The following ARHGAP6 variants were observed in gnomAD, a reference collection of about 807,000 sequenced individuals.
The protein encoded by ARHGAP6 is Rho GTPase activating protein 6, also known as rho GTPase-activating protein 6.
A neutral mutation model predicts 55.7 loss-of-function variants in ARHGAP6; 16 were observed. The ratio of observed to expected loss-of-function variants is 0.29; its 90% CI spans 0.19 to 0.44. The LOEUF is 0.44. ARHGAP6 is among the 20% of genes least tolerant of loss of function. ARHGAP6 has a pLI of 1.00. For synonymous variants in ARHGAP6, 382 were observed against 360.9 expected (o/e 1.06, Z -0.66); for missense variants, 698 against 808.9 (o/e 0.86, Z 1.66).
At chrX:11,145,026 A>C (rs779870291) in intron 10 of ARHGAP6, 1 of 112,513 alleles carries the variant, frequency 8.9e-6, no homozygotes, top group South Asian at 3.8e-4. Context: ...TGTGGAACAG[A>C]AAAATGAGAA....
chrX:11,423,657 C>T (rs765924745), intron 1 of ARHGAP6, among the ~76,000 whole-genome samples: 8 of 112,779 alleles, frequency 7.1e-5, no homozygotes, highest in Non-Finnish European at 1.5e-4. Flanking sequence ...CAACACATTT[C>T]TACTGAGCAC....
chrX:11,153,223 G>A (rs181465126), intron 10 of ARHGAP6, among the ~76,000 whole-genome samples: 19 of 111,224 alleles, frequency 1.7e-4, no homozygotes, highest in African/African-American at 6.2e-4. Context: ...TGATACCCAT[G>A]CATAGTAAAG....
intron 1 of ARHGAP6, among the ~76,000 whole-genome samples, chrX:11,430,764 T>C (rs1306784185): frequency 8.9e-6 from 1 of 112,186 alleles, no homozygotes; most frequent in Non-Finnish European, 1.9e-5. Flanking sequence ...TTTGTATAAA[T>C]GTATGGGGTA....
intron 1 of ARHGAP6, among the ~76,000 whole-genome samples, chrX:11,486,766 T>C (rs1403311093): frequency 8.9e-6 from 1 of 111,896 alleles, no homozygotes; most frequent in East Asian, 2.8e-4. Context: ...GGAATGATGA[T>C]GCTGGCCTGG....
At chrX:11,270,012 A>G (rs2047673494) in intron 1 of ARHGAP6, among the ~76,000 whole-genome samples, 1 of 112,020 alleles carries the variant, frequency 8.9e-6, no homozygotes, top group Non-Finnish European at 1.9e-5. Flanking sequence ...AGAACAACTA[A>G]AATTTACTGA....
intron 2 of ARHGAP6, among the ~76,000 whole-genome samples, chrX:11,238,934 G>T (rs2047238943): frequency 8.9e-6 from 1 of 111,768 alleles, no homozygotes; most frequent in East Asian, 2.8e-4. Context: ...TTTGTTATTT[G>T]AAAAATAAAA....
At chrX:11,277,237 T>C (rs1399736893) in intron 1 of ARHGAP6, among the ~76,000 whole-genome samples, 8 of 112,028 alleles carry the variant, frequency 7.1e-5, no homozygotes, top group South Asian at 3.7e-4. Flanking sequence ...CAGGATAATA[T>C]TCACTGTATA....
At chrX:11,455,929 G>T (rs2050190134) in intron 1 of ARHGAP6, among the ~76,000 whole-genome samples, 1 of 112,223 alleles carries the variant, frequency 8.9e-6, no homozygotes, top group Admixed American at 9.5e-5. Flanking sequence ...CTAACCTGTT[G>T]TTATAATCTG....
intron 1 of ARHGAP6, among the ~76,000 whole-genome samples, chrX:11,351,018 C>G (rs1194556591): frequency 1.9e-5 from 2 of 107,550 alleles, no homozygotes; most frequent in East Asian, 5.8e-4. Flanking sequence ...GGGTAACAAA[C>G]ACCCCCATCC....
intron 1 of ARHGAP6, among the ~76,000 whole-genome samples, chrX:11,274,004 C>CA (rs1237846048): frequency 2.7e-4 from 30 of 111,106 alleles, no homozygotes; most frequent in African/African-American, 9.5e-4. Context: ...TAACTTGTCC[C>CA]AGGACACATA....
chrX:11,647,648 C>G (rs186481097), intron 1 of ARHGAP6, among the ~76,000 whole-genome samples: 1 of 112,157 alleles, frequency 8.9e-6, no homozygotes, highest in African/African-American at 3.2e-5. Context: ...CTTATCAACA[C>G]GCATATGGCC....
Position 11,304,777 on chromosome X carries a change from CTTTTTTTTTTTTT to C in ARHGAP6, c.589-50083_589-50071del, listed in dbSNP as rs953912280. Among the ~76,000 whole-genome samples, 251 of 50,292 alleles carry C rather than the reference CTTTTTTTTTTTTT, an allele frequency of 5.0e-3. 2 individuals carry two copies. The highest frequency in any genetic ancestry group is 0.02 in the African/African-American group (237 of 11,581). The allele number at this position is 50,292 out of a possible 115,157, so 43.7% of individuals were successfully genotyped here. ...AAGGATTTCATTTTTCTTTCTTTTA[CTTTTTTTTTTTTT>C]TTTTTTTTTTTTTTTGAGATGGAGT... On this transcript the variant is annotated intron_variant, in intron 1 of 12. Coordinates refer to ENST00000337414, the MANE Select transcript of ARHGAP6 (RefSeq NM_013427.3).
chrX:11,207,079 A>G (rs2046714517), intron 2 of ARHGAP6, among the ~76,000 whole-genome samples: 1 of 111,710 alleles, frequency 9.0e-6, no homozygotes, highest in Non-Finnish European at 1.9e-5. Flanking sequence ...TTCTGCCTCA[A>G]ATGTCTTCCT....
In ARHGAP6 at chrX:11,566,565, TGG is replaced by T. The variant is rs2051443684; in HGVS notation, c.588+97674_588+97675del. ...GAACAGAAACTCACTTAAACTCTTCTGGAACTTGGTTTTCTCTATCATTAAAC... is the reference window on the plus strand; with the variant it reads ...GAACAGAAACTCACTTAAACTCTTCTAACTTGGTTTTCTCTATCATTAAAC... On this transcript the variant is annotated intron_variant, in intron 1 of 12. Transcript: ENST00000337414. Among the ~76,000 whole-genome samples the T allele has an allele frequency of 5.3e-5, 6 of 112,608 alleles. No individual in the cohort carries two copies. The South Asian group carries it at 1.8e-3, about 35-fold the overall frequency.
At chrX:11,340,908 C>T (rs1307528158) in intron 1 of ARHGAP6, among the ~76,000 whole-genome samples, 1 of 110,748 alleles carries the variant, frequency 9.0e-6, no homozygotes, top group Non-Finnish European at 1.9e-5. Flanking sequence ...AAATGGAGCT[C>T]AGCATAGATT....
At chrX:11,322,043 A>G (rs962741761) in intron 1 of ARHGAP6, among the ~76,000 whole-genome samples, 11 of 112,269 alleles carry the variant, frequency 9.8e-5, no homozygotes, top group African/African-American at 3.6e-4. Context: ...ATACCCACAG[A>G]TACAGTGATG....
At position 11,470,242 on chromosome X, in the gene ARHGAP6, C is replaced by T. The variant is rs750384963; in HGVS notation, c.588+193999G>A. On this transcript the variant is annotated intron_variant, in intron 1 of 12. Coordinates refer to ENST00000337414, the MANE Select transcript of ARHGAP6 (RefSeq NM_013427.3). ...AAAATGTCAGTTTACCAAGACCTCT[C>T]GTATTTCATTTCCTCACAGGTCCTT... Among the ~76,000 whole-genome samples, 3 of 112,058 alleles carry T rather than the reference C, an allele frequency of 2.7e-5. No homozygotes were observed. The South Asian group carries it at 1.1e-3, about 42-fold the overall frequency.
rs2045628572 is a variant in ARHGAP6, at chrX:11,142,128, T to C, written c.2257+105A>G. ...GTTTCATCCCCTCCCATTTTCAGCATTTCCCAAGTAATGTTTGACAAGCAT... is the reference window on the plus strand; with the variant it reads ...GTTTCATCCCCTCCCATTTTCAGCACTTCCCAAGTAATGTTTGACAAGCAT... On this transcript the variant is annotated intron_variant, in intron 12 of 12. Transcript: ENST00000337414. 6 of 507,118 alleles carry C rather than the reference T, an allele frequency of 1.2e-5. No individual in the cohort carries two copies. In the South Asian group the frequency reaches 2.0e-4, roughly 17 times the overall value. 41.8% of individuals were successfully genotyped at this position (507,118 alleles called of 1,213,427 possible).
chrX:11,338,569 T>C (rs1308572562), intron 1 of ARHGAP6, among the ~76,000 whole-genome samples: 1 of 111,907 alleles, frequency 8.9e-6, no homozygotes, highest in East Asian at 2.8e-4. Context: ...GACTCTTTCC[T>C]GCAGGAAAAT....
Sources: allele counts gnomAD v4.1 joint callset (sites outside exome capture counted in the v4.1 genomes callset), GRCh38; gene constraint gnomAD v4.1.1; transcripts MANE v1.5; gene names NCBI Gene and HGNC (gene_info 2026-07-23, HGNC 2026-07-21).